The following ART1 variants were observed in gnomAD, a reference collection of about 807,000 sequenced individuals.
ART1 encodes ADP-ribosyltransferase 1, also known as GPI-linked NAD(P)(+)--arginine ADP-ribosyltransferase 1.
In ART1, 29 loss-of-function variants were observed where a neutral mutation model predicts 27.0. The observed-to-expected ratio is 1.08, with a 90% CI of 0.80 to 1.47. ART1 has a LOEUF of 1.47. Among genes scored for constraint, ART1 ranks in the 40% most tolerant of loss-of-function variants. The probability of loss-of-function intolerance (pLI) is 0.00; values close to 1 mark genes in which losing one functional copy is unlikely to be tolerated. For synonymous variants in ART1, 201 were observed against 172.2 expected (o/e 1.17, Z -1.31); for missense variants, 480 against 423.0 (o/e 1.13, Z -1.18).
intron 1 of ART1, among the ~76,000 whole-genome samples, 179 bp downstream of exon 1, chr11:3,645,358 G>A (rs1412515893): frequency 1.3e-5 from 2 of 152,150 alleles, no homozygotes; most frequent in Admixed American, 6.5e-5. Context: ...TTCCTGTGGG[G>A]AGATTTGGGG....
Position 3,659,856 on chromosome 11 carries a change from G to C in ART1, c.337G>C (p.Glu113Gln). ...CCCGCCACCCCTGGGCTTCCGCGAT[G>C]AGCATGGGGTGGCCCTCCTGGCCTA... ...PSPPPLGFRD[E>Q]HGVALLAYTA... The change falls in exon 3 of 5, where the codon GAG becomes CAG. Residue 113 changes from glutamate (E) to glutamine (Q), a missense_variant. Physicochemically the swap from Glu to Gln is conservative, Grantham distance 29 (BLOSUM62 2). Transcript: ENST00000250693. 1 of 1,612,672 alleles carries C rather than the reference G, an allele frequency of 6.2e-7. No homozygotes were observed. The highest frequency in any genetic ancestry group is 8.5e-7 in the Non-Finnish European group (1 of 1,179,656).
intron 1 of ART1, among the ~76,000 whole-genome samples, chr11:3,648,479 TCTC>T (rs1049737001): frequency 2.4e-4 from 37 of 152,102 alleles, no homozygotes; most frequent in Non-Finnish European, 4.4e-5. Flanking sequence ...TTTACTCACT[TCTC>T]CAACCTCCCT....
chr11:3,645,688 C>A (rs1207846668), intron 1 of ART1, among the ~76,000 whole-genome samples: 4 of 152,132 alleles, frequency 2.6e-5, no homozygotes, highest in Non-Finnish European at 5.9e-5. Context: ...ATACATGGTC[C>A]CTGCCCTCAA....
intron 4 of ART1, among the ~76,000 whole-genome samples, chr11:3,662,210 C>G (rs2077626703): frequency 6.6e-6 from 1 of 152,254 alleles, no homozygotes; most frequent in African/African-American, 2.4e-5. Flanking sequence ...CTACGACCAA[C>G]CCATTCTTTC....
intron 1 of ART1, among the ~76,000 whole-genome samples, chr11:3,658,049 T>C (rs935772983): frequency 2.0e-5 from 3 of 151,654 alleles, no homozygotes; most frequent in Non-Finnish European, 4.4e-5. Context: ...AAAATGACAA[T>C]AAGGCCGGCA....
chr11:3,660,251 C>T lies in ART1; in HGVS notation c.732C>T (p.Pro244=). The change falls in exon 3 of 5, where the codon CCC becomes CCT. Residue 244 remains proline (P), a synonymous_variant. Transcript: ENST00000250693. ...FFPGEEEVLI[P]PFETFQVINA... is the part of the protein sequence containing the mutation. ...CTGGAGAGGAAGAGGTGCTGATCCC[C>T]CCCTTTGAGACCTTCCAAGTGATCA... is the stretch of plus-strand genomic sequence containing the variant. 1 of 1,613,564 alleles carries T rather than the reference C, an allele frequency of 6.2e-7. No individual in the cohort carries two copies.
At chr11:3,652,918 C>T (rs554351247) in intron 1 of ART1, among the ~76,000 whole-genome samples, 4 of 149,456 alleles carry the variant, frequency 2.7e-5, no homozygotes. Flanking sequence ...ATTCTTAGAC[C>T]TTTTATACCT....
At position 3,645,756 on chromosome 11, in the gene ART1, G is replaced by A. The variant is rs554286051; in HGVS notation, c.-53+577G>A. Among the ~76,000 whole-genome samples, 5 of 152,312 alleles carry A rather than the reference G, an allele frequency of 3.3e-5. No individual in the cohort carries two copies. The South Asian group carries it at 1.0e-3, about 32-fold the overall frequency. On this transcript the variant is annotated intron_variant, in intron 1 of 4. Transcript: ENST00000250693. ...ATATAAGGGCAGCACAGTGTGATAAGGACAGTGACAGAGGACAGCACAGGG... is the reference window on the plus strand; with the variant it reads ...ATATAAGGGCAGCACAGTGTGATAAAGACAGTGACAGAGGACAGCACAGGG...
At position 3,661,328 on chromosome 11, in the gene ART1, G is replaced by T. The variant is rs777746513; in HGVS notation, c.845-44G>T. 6 of 1,588,368 alleles carry T rather than the reference G, an allele frequency of 3.8e-6. No individual in the cohort carries two copies. In the South Asian group the frequency reaches 5.7e-5, roughly 15 times the overall value. On this transcript the variant is annotated intron_variant, in intron 3 of 4. Transcript: ENST00000250693. ...GGGCTCTGAGGTCCCTTTCCATCCT[G>T]ACAGCTCCTGAGCCTTTCATTCTTT... is the stretch of plus-strand genomic sequence containing the variant.
At chr11:3,662,333 C>T (rs1218638519) in intron 4 of ART1, among the ~76,000 whole-genome samples, 1 of 152,236 alleles carries the variant, frequency 6.6e-6, no homozygotes, top group Non-Finnish European at 1.5e-5. Flanking sequence ...CCCAGGCCAC[C>T]ATGTTTCTAG....
At chr11:3,662,489 C>T (rs889166094) in intron 4 of ART1, among the ~76,000 whole-genome samples, 1 of 152,230 alleles carries the variant, frequency 6.6e-6, no homozygotes, top group Non-Finnish European at 1.5e-5. Context: ...CATTCATCCT[C>T]ACCACACCCC....
At chr11:3,656,818 C>T (rs2077579985) in intron 1 of ART1, among the ~76,000 whole-genome samples, 1 of 152,014 alleles carries the variant, frequency 6.6e-6, no homozygotes, top group Non-Finnish European at 1.5e-5. Flanking sequence ...TCCTTAATGC[C>T]TGACATGCTA....
Position 3,661,458 on chromosome 11 carries a change from G to GGC in ART1, c.886+46_886+47dup, listed in dbSNP as rs755192886. The GGC allele has an allele frequency of 1.4e-5, 21 of 1,509,148 alleles. No homozygotes were observed. In the Admixed American group the frequency reaches 2.5e-4, roughly 18 times the overall value. The allele number at this position is 1,509,148 out of a possible 1,614,324, so 93.5% of individuals were successfully genotyped here. The stretch of plus-strand genomic sequence containing the variant: ...GTGGGACTCAGTTCAGGGATGAGCA[G>GGC]GCTGCTCTGGGGTTGGCCCCATCAC... On this transcript the variant is annotated intron_variant, in intron 4 of 4. Transcript: ENST00000250693.
At chr11:3,646,445 T>C (rs2077470404) in intron 1 of ART1, among the ~76,000 whole-genome samples, 1 of 152,126 alleles carries the variant, frequency 6.6e-6, no homozygotes, top group African/African-American at 2.4e-5. Flanking sequence ...GGGTGAATAA[T>C]GGGGATGGTT....
chr11:3,649,568 C>T (rs564687682), intron 1 of ART1, among the ~76,000 whole-genome samples: 1 of 152,172 alleles, frequency 6.6e-6, no homozygotes, highest in Admixed American at 6.5e-5. Flanking sequence ...GACGTCTCCC[C>T]TCCTCCCCAG....
intron 1 of ART1, among the ~76,000 whole-genome samples, chr11:3,651,183 G>A (rs58327631): frequency 0.74 from 102,908 of 138,610 alleles, 39,285 homozygotes; most frequent in Admixed American, 0.87. Flanking sequence ...TCTGTTCTGG[G>A]TCTCAAACAT....
chr11:3,651,797 C>T (rs2077523993), intron 1 of ART1, among the ~76,000 whole-genome samples: 1 of 151,856 alleles, frequency 6.6e-6, no homozygotes, highest in African/African-American at 2.4e-5. Context: ...CGGCCTCCCA[C>T]ATTATTCCTG....
chr11:3,645,868 G>A (rs755348154), intron 1 of ART1, among the ~76,000 whole-genome samples: 10 of 152,122 alleles, frequency 6.6e-5, no homozygotes, highest in Non-Finnish European at 1.5e-4. Context: ...CCAGGAGAAG[G>A]GTGTCCCAAG....
intron 1 of ART1, among the ~76,000 whole-genome samples, chr11:3,653,788 T>C (rs952988616): frequency 6.6e-6 from 1 of 151,034 alleles, no homozygotes; most frequent in Non-Finnish European, 1.5e-5. Context: ...TTCCACCTCC[T>C]ACCTCTGTCT....
Sources: gnomAD v4.1 joint callset for allele counts (sites outside exome capture counted in the v4.1 genomes callset) on GRCh38, gnomAD v4.1.1 for gene constraint, MANE v1.5 for transcripts, NCBI Gene and HGNC (gene_info 2026-07-23, HGNC 2026-07-21) for gene names.